The following NLRP14 variants were observed in gnomAD, a reference collection of about 807,000 sequenced individuals.
NLRP14 encodes the protein NACHT, LRR and PYD domains-containing protein 14.
A neutral mutation model predicts 94.7 loss-of-function variants in NLRP14; 105 were observed. That is an observed-to-expected ratio of 1.11 (90% CI 0.95 to 1.30). NLRP14 has a LOEUF of 1.30. Among genes scored for constraint, NLRP14 ranks in the 50% most tolerant of loss-of-function variants. NLRP14 has a pLI of 0.00. For missense variants in NLRP14, 1,362 were observed against 1,254.1 expected, an observed-to-expected ratio of 1.09 and a Z score of -1.30; for synonymous variants, 508 against 459.9, an observed-to-expected ratio of 1.10 and a Z score of -1.34.
intron 9 of NLRP14, among the ~76,000 whole-genome samples, chr11:7,060,790 C>T (rs555584995): frequency 6.6e-6 from 1 of 152,072 alleles, no homozygotes; most frequent in South Asian, 2.1e-4. Context: ...GCTTTATGGA[C>T]ATGATTTGGG....
chr11:7,046,898 C>A, intron 5 of NLRP14, 66 bp downstream of exon 5: 3 of 1,207,196 alleles, frequency 2.5e-6, no homozygotes, highest in Non-Finnish European at 3.7e-6. Context: ...ATCTTCCACT[C>A]ATACTCGTTA....
chr11:7,070,728 T>G (rs987565014), intron 11 of NLRP14, among the ~76,000 whole-genome samples: 7 of 152,150 alleles, frequency 4.6e-5, no homozygotes, highest in African/African-American at 1.4e-4. Context: ...CCCCCATCAC[T>G]CTTTGTTTTG....
chr11:7,044,440 G>A (rs757388923), intron 4 of NLRP14, among the ~76,000 whole-genome samples: 5 of 152,090 alleles, frequency 3.3e-5, no homozygotes, highest in Admixed American at 1.3e-4. Flanking sequence ...ATATTCCTCC[G>A]TACTCCACTG....
chr11:7,037,109 T>G (rs1392843109), intron 1 of NLRP14, among the ~76,000 whole-genome samples: 1 of 152,238 alleles, frequency 6.6e-6, no homozygotes, highest in East Asian at 1.9e-4. Context: ...ATTCTGTGCC[T>G]TGCTTTCCCT....
intron 2 of NLRP14, among the ~76,000 whole-genome samples, chr11:7,039,091 C>T (rs896702786): frequency 1.2e-4 from 19 of 152,120 alleles, no homozygotes; most frequent in Non-Finnish European, 1.8e-4. Flanking sequence ...CCTTAACTGG[C>T]GGCAATTCAT....
downstream of NLRP14, among the ~76,000 whole-genome samples, chr11:7,072,622 G>A (rs1852818516): frequency 1.3e-5 from 2 of 152,116 alleles, no homozygotes; most frequent in South Asian, 4.1e-4. Flanking sequence ...GTCACCACTT[G>A]TGAGAGGCCC....
intron 9 of NLRP14, among the ~76,000 whole-genome samples, chr11:7,060,903 C>T (rs35898585): frequency 0.15 from 22,975 of 151,958 alleles, 2,141 homozygotes; most frequent in Non-Finnish European, 0.21. Flanking sequence ...AAATTATCTT[C>T]TTGATTATTT....
intron 1 of NLRP14, among the ~76,000 whole-genome samples, chr11:7,031,314 A>C (rs1487243289): frequency 6.6e-6 from 1 of 152,140 alleles, no homozygotes; most frequent in Non-Finnish European, 1.5e-5. Flanking sequence ...TCCAGCGTCC[A>C]CATTCTGTGT....
chr11:7,088,157 C>T, the NLRP14 span, among the ~76,000 whole-genome samples: 8,162 of 152,196 alleles, frequency 0.054, 457 homozygotes, highest in African/African-American at 0.14. Context: ...ACACTTTCTG[C>T]TCAGTATATA....
chr11:7,038,534 T>C, intron 1 of NLRP14, 32 bp from the exon 2 acceptor site: 2 of 1,523,864 alleles, frequency 1.3e-6, no homozygotes. Context: ...ATTTATTCCA[T>C]GTGCTTTTGG....
chr11:7,045,107 A>T (rs1263630076), intron 4 of NLRP14, among the ~76,000 whole-genome samples: 1 of 152,204 alleles, frequency 6.6e-6, no homozygotes, highest in African/African-American at 2.4e-5. Flanking sequence ...ATTATATACA[A>T]TTGCAGAATC....
chr11:7,056,116 T>G (rs1175952445), intron 6 of NLRP14, among the ~76,000 whole-genome samples: 1 of 151,996 alleles, frequency 6.6e-6, no homozygotes, highest in Admixed American at 6.6e-5. Context: ...GAAAGAGTTT[T>G]ATTTTTTATT....
chr11:7,089,942 G>A, the NLRP14 span: 5 of 1,613,044 alleles, frequency 3.1e-6, no homozygotes, highest in Non-Finnish European at 4.2e-6. Context: ...GGGATCATCT[G>A]AGCAGAGGCT....
At chr11:7,057,602 T>A in intron 6 of NLRP14, 75 bp from the exon 7 acceptor site, 1 of 1,371,506 alleles carries the variant, frequency 7.3e-7, no homozygotes, top group South Asian at 1.2e-5. Flanking sequence ...ACTTCCTACC[T>A]TTGGGATCGG....
intron 6 of NLRP14, among the ~76,000 whole-genome samples, chr11:7,051,523 TG>T (rs1439753149): frequency 1.3e-5 from 2 of 152,250 alleles, no homozygotes; most frequent in Non-Finnish European, 2.9e-5. Context: ...TGTTAGAACT[TG>T]GCTAATTTAA....
chr11:7,086,304 A>G, the NLRP14 span, among the ~76,000 whole-genome samples: 1 of 152,324 alleles, frequency 6.6e-6, no homozygotes, highest in African/African-American at 2.4e-5. Context: ...TTAATGTCCG[A>G]GATTGAGCTA....
downstream of NLRP14, among the ~76,000 whole-genome samples, chr11:7,072,274 T>C (rs1351339098): frequency 2.6e-5 from 4 of 152,220 alleles, no homozygotes; most frequent in Non-Finnish European, 5.9e-5. Context: ...CTTGGACACG[T>C]CTGCTGCCTT....
chr11:7,061,823 T>C (rs1057076368), intron 9 of NLRP14, among the ~76,000 whole-genome samples: 1 of 151,956 alleles, frequency 6.6e-6, no homozygotes, highest in Non-Finnish European at 1.5e-5. Context: ...TGCATGTGTA[T>C]GGTTAGAGAA....
At chr11:7,045,627 A>G (rs1262753884) in intron 4 of NLRP14, among the ~76,000 whole-genome samples, 3 of 152,162 alleles carry the variant, frequency 2.0e-5, no homozygotes, top group African/African-American at 7.2e-5. Flanking sequence ...CTCAAGTGAT[A>G]TAGACCATCA....
Sources: allele counts gnomAD v4.1 joint callset (sites outside exome capture counted in the v4.1 genomes callset), GRCh38; gene constraint gnomAD v4.1.1; transcripts MANE v1.5; gene names NCBI Gene and HGNC (gene_info 2026-07-23, HGNC 2026-07-21).